The following PTPRD variants were observed in gnomAD, a reference collection of about 807,000 sequenced individuals.
The protein encoded by PTPRD is protein tyrosine phosphatase receptor type D.
Under a neutral mutation model 214.5 loss-of-function variants are expected in PTPRD, and 34 were observed. The observed-to-expected ratio is 0.16, with a 90% CI of 0.12 to 0.21. The LOEUF is 0.21. PTPRD is among the 10% of genes least tolerant of loss of function. The probability of loss-of-function intolerance (pLI) is 1.00; values close to 1 mark genes in which losing one functional copy is unlikely to be tolerated. For synonymous variants in PTPRD, 1,128 were observed against 845.7 expected (o/e 1.33, Z -5.79); for missense variants, 2,545 against 2,398.7 (o/e 1.06, Z -1.27).
intron 44 of PTPRD, 81 bp downstream of exon 44, chr9:8,331,501 C>A: frequency 6.7e-7 from 1 of 1,495,636 alleles, no homozygotes; most frequent in Non-Finnish European, 9.0e-7. Context: ...TTCAAATAAG[C>A]AAACTTACTA....
chr9:8,365,838 C>T (rs1194746693), intron 39 of PTPRD, among the ~76,000 whole-genome samples: 1 of 152,164 alleles, frequency 6.6e-6, no homozygotes, highest in Non-Finnish European at 1.5e-5. Context: ...AGAGAGACCC[C>T]ATTTGGCTTT....
intron 3 of PTPRD, among the ~76,000 whole-genome samples, chr9:10,270,258 G>C (rs923414666): frequency 5.3e-5 from 8 of 151,978 alleles, no homozygotes; most frequent in Non-Finnish European, 1.2e-4. Context: ...TTTAAGAATG[G>C]TAGCAATAGT....
At chr9:9,138,099 C>T (rs1344482316) in intron 10 of PTPRD, among the ~76,000 whole-genome samples, 1 of 151,934 alleles carries the variant, frequency 6.6e-6, no homozygotes, top group African/African-American at 2.4e-5. Context: ...TATGATAGAC[C>T]AGAGCAGATG....
chr9:10,060,912 CTTTCTTTCTTTCT>C (rs2097764129), intron 3 of PTPRD, among the ~76,000 whole-genome samples: 1 of 111,352 alleles, frequency 9.0e-6, no homozygotes, highest in African/African-American at 6.5e-5. Context: ...TTCTTTCTTT[CTTTCTTTCTTTCT>C]TTCTTTCTTT....
chr9:8,723,286 G>C (rs1343032134), intron 12 of PTPRD, among the ~76,000 whole-genome samples: 1 of 152,088 alleles, frequency 6.6e-6, no homozygotes, highest in Non-Finnish European at 1.5e-5. Context: ...TTCGGCTCAA[G>C]TGTTGTATCT....
At chr9:10,102,144 C>A (rs911364886) in intron 3 of PTPRD, among the ~76,000 whole-genome samples, 1 of 151,556 alleles carries the variant, frequency 6.6e-6, no homozygotes, top group African/African-American at 2.4e-5. Flanking sequence ...GGTTGTTCCC[C>A]CACATTGATT....
chr9:10,110,687 ATTGGCC>A (rs1429311167), intron 3 of PTPRD, among the ~76,000 whole-genome samples: 6 of 152,218 alleles, frequency 3.9e-5, no homozygotes, highest in African/African-American at 1.4e-4. Context: ...CTGACTGGGC[ATTGGCC>A]TATCCAATCC....
In PTPRD at chr9:10,551,951, A is replaced by T. The variant is rs2061454863; in HGVS notation, c.-600+60447T>A. ...TCCCTTTCTGCACATTCATCCACTCAGTCGAATTTTCTACTTTGCATGCAT... is the reference window on the plus strand; with the variant it reads ...TCCCTTTCTGCACATTCATCCACTCTGTCGAATTTTCTACTTTGCATGCAT... On this transcript the variant is annotated intron_variant, in intron 2 of 45. Coordinates refer to ENST00000381196, the MANE Select transcript of PTPRD (RefSeq NM_002839.4). 2.0e-5 allele frequency among the ~76,000 whole-genome samples: 3 copies of T among 152,292 alleles called. No homozygotes were observed. In the South Asian group the frequency reaches 6.2e-4, roughly 32 times the overall value.
At chr9:8,573,527 C>T (rs1347345280) in intron 14 of PTPRD, among the ~76,000 whole-genome samples, 2 of 151,870 alleles carry the variant, frequency 1.3e-5, no homozygotes, top group Admixed American at 6.6e-5. Flanking sequence ...CCAGATAAAT[C>T]TTGTTAATAT....
At chr9:8,782,643 G>C (rs1165132239) in intron 11 of PTPRD, among the ~76,000 whole-genome samples, 2 of 147,980 alleles carry the variant, frequency 1.4e-5, no homozygotes, top group Non-Finnish European at 1.5e-5. Context: ...CGTTGCCCAG[G>C]CTGAAGTGCA....
intron 10 of PTPRD, among the ~76,000 whole-genome samples, chr9:9,128,795 G>C (rs2099838081): frequency 6.6e-6 from 1 of 152,176 alleles, no homozygotes; most frequent in Admixed American, 6.5e-5. Context: ...GGCTAACGCT[G>C]CCCACAGCAG....
intron 10 of PTPRD, among the ~76,000 whole-genome samples, chr9:9,089,486 T>A (rs2099772356): frequency 6.6e-6 from 1 of 152,200 alleles, no homozygotes; most frequent in South Asian, 2.1e-4. Context: ...ACCAAAGTTT[T>A]TCATTCATGA....
intron 2 of PTPRD, among the ~76,000 whole-genome samples, chr9:10,556,430 T>A (rs2062612267): frequency 6.6e-6 from 1 of 152,108 alleles, no homozygotes; most frequent in Non-Finnish European, 1.5e-5. Flanking sequence ...ATTTTAGGTA[T>A]ATTTTATATT....
rs570535931 is a variant in PTPRD at position 8,759,393 on chromosome 9, G to C, written c.-103-25447C>G. Among the ~76,000 whole-genome samples the C allele has an allele frequency of 2.6e-5, 4 of 152,050 alleles. No individual in the cohort carries two copies. The East Asian group carries it at 5.8e-4, about 22-fold the overall frequency. ...TAATTTTGATCTCTATTGTGTCTTG[G>C]AGGAGGCAACTAATATTTTAAAGCT... On this transcript the variant is annotated intron_variant, in intron 11 of 45. Coordinates refer to ENST00000381196, the MANE Select transcript of PTPRD (RefSeq NM_002839.4).
intron 5 of PTPRD, among the ~76,000 whole-genome samples, chr9:9,836,156 GA>G (rs1339273631): frequency 6.6e-6 from 1 of 152,174 alleles, no homozygotes; most frequent in Non-Finnish European, 1.5e-5. Context: ...GGAATATCAA[GA>G]GTCCAGGATT....
intron 11 of PTPRD, among the ~76,000 whole-genome samples, chr9:8,940,791 C>G (rs2099028847): frequency 6.7e-6 from 1 of 150,036 alleles, no homozygotes. Flanking sequence ...TGGGTAGATC[C>G]TATTCTCTTC....
chr9:10,543,521 T>C (rs1042959185), intron 2 of PTPRD, among the ~76,000 whole-genome samples: 3 of 129,734 alleles, frequency 2.3e-5, no homozygotes, highest in East Asian at 2.2e-4. Flanking sequence ...CACACACACG[T>C]ACACACACAC....
At chr9:9,363,780 C>A (rs2057025252) in intron 9 of PTPRD, among the ~76,000 whole-genome samples, 2 of 151,274 alleles carry the variant, frequency 1.3e-5, no homozygotes, top group Admixed American at 1.3e-4. Context: ...TAGAAACCAT[C>A]GATATATTTT....
intron 9 of PTPRD, among the ~76,000 whole-genome samples, chr9:9,255,402 G>T (rs2099977289): frequency 6.6e-6 from 1 of 151,996 alleles, no homozygotes; most frequent in Admixed American, 6.6e-5. Flanking sequence ...CTCAGGAGAG[G>T]TATGGATAAT....
Sources: allele counts gnomAD v4.1 joint callset (sites outside exome capture counted in the v4.1 genomes callset), GRCh38; gene constraint gnomAD v4.1.1; transcripts MANE v1.5; gene names NCBI Gene and HGNC (gene_info 2026-07-23, HGNC 2026-07-21).